XRCC5: variants seen among roughly 807,000 people sequenced by gnomAD.
XRCC5 encodes the protein X-ray repair cross complementing 5, also known as DNA repair protein Ku80.
In XRCC5, 12 loss-of-function variants were observed where a neutral mutation model predicts 95.7. The observed-to-expected ratio is 0.13, with a 90% confidence interval of 0.08 to 0.20. The LOEUF (loss-of-function observed/expected upper bound fraction) is 0.20, where lower values mean the gene tolerates loss of function less well. Among genes scored for constraint, XRCC5 ranks in the 10% least tolerant of loss-of-function variants. The probability of loss-of-function intolerance (pLI) is 1.00; values close to 1 mark genes in which losing one functional copy is unlikely to be tolerated. For missense variants in XRCC5, 595 were observed against 873.9 expected, an observed-to-expected ratio of 0.68 and a Z score of 4.02; for synonymous variants, 281 against 290.3, an observed-to-expected ratio of 0.97 and a Z score of 0.33.
chr2:216,198,116 G>A (rs577542585), intron 19 of XRCC5, among the ~76,000 whole-genome samples: 2 of 152,230 alleles, frequency 1.3e-5, no homozygotes, highest in Non-Finnish European at 2.9e-5. Flanking sequence ...GAAAGGTAAA[G>A]TGGGGTTACA....
chr2:216,111,901 G>A (rs571336075), intron 1 of XRCC5, among the ~76,000 whole-genome samples: 1 of 152,274 alleles, frequency 6.6e-6, no homozygotes, highest in East Asian at 1.9e-4. Flanking sequence ...CTAGATCCCA[G>A]GTCTCCCGAT....
In XRCC5 at chr2:216,119,172, T is replaced by G. The variant is rs747675014; in HGVS notation, c.491+7T>G. On this transcript the variant is annotated splice_region_variant and intron_variant, in intron 5 of 20. Transcript: ENST00000392132. Reference sequence around the variant, plus strand: ...ACATCTCCCTGCAATTCTTGTAAGATCCTAAGAATAATGCATGTAGACAAA... The same window carrying G: ...ACATCTCCCTGCAATTCTTGTAAGAGCCTAAGAATAATGCATGTAGACAAA... 3.1e-6 allele frequency: 5 copies of G among 1,613,882 alleles called. No individual in the cohort carries two copies. The highest frequency in any genetic ancestry group is 2.2e-5 in the South Asian group (2 of 91,070).
chr2:216,120,311 A>G (rs1475200961), intron 5 of XRCC5, among the ~76,000 whole-genome samples: 1 of 152,220 alleles, frequency 6.6e-6, no homozygotes, highest in Non-Finnish European at 1.5e-5. Flanking sequence ...CATTTCAGTG[A>G]ATGTCATTCG....
chr2:216,137,047 A>G, intron 10 of XRCC5, 41 bp from the exon 11 acceptor site: 1 of 1,589,446 alleles, frequency 6.3e-7, no homozygotes, highest in Non-Finnish European at 8.6e-7. Flanking sequence ...GAAAACTCTC[A>G]CATGTTGAAT....
At chr2:216,202,902 C>T (rs912570477) in intron 19 of XRCC5, among the ~76,000 whole-genome samples, 2 of 152,230 alleles carry the variant, frequency 1.3e-5, no homozygotes, top group Non-Finnish European at 2.9e-5. Flanking sequence ...ACTAGAAGAA[C>T]AGGCAGAGCT....
rs1365041259 is a variant in XRCC5, at chr2:216,137,217, A to G, written c.1243A>G (p.Asn415Asp). 9.3e-6 allele frequency: 15 copies of G among 1,612,912 alleles called. No individual in the cohort carries two copies. The highest frequency in any genetic ancestry group is 1.3e-5 in the Non-Finnish European group (15 of 1,179,380). ...VGVAFPHIKH[N>D]YECLVYVQLP... Reference sequence around the variant, plus strand: ...CGTGGCTTTTCCTCATATCAAGCATAACTATGAGGTAAAACCCAAAGTCTT... The same window carrying G: ...CGTGGCTTTTCCTCATATCAAGCATGACTATGAGGTAAAACCCAAAGTCTT... Residue 415 changes from asparagine (N) to aspartate (D), a missense_variant, in exon 11 of 21, where the codon AAC becomes GAC. This residue lies in a region of XRCC5 where 309 missense variants were observed against 382.9 expected (regional missense o/e 0.81). Transcript: ENST00000392132.
intron 13 of XRCC5, among the ~76,000 whole-genome samples, chr2:216,145,389 T>G (rs1353336648): frequency 6.6e-6 from 1 of 152,220 alleles, no homozygotes; most frequent in Admixed American, 6.5e-5. Flanking sequence ...TAAAACCACT[T>G]TTTAAATAAT....
intron 19 of XRCC5, among the ~76,000 whole-genome samples, chr2:216,195,570 G>A (rs138030409): frequency 1.3e-5 from 2 of 151,980 alleles, no homozygotes; most frequent in Non-Finnish European, 2.9e-5. Context: ...AGAAACACTA[G>A]TATTCTAGCA....
chr2:216,114,750 C>A (rs1304298193), intron 2 of XRCC5, among the ~76,000 whole-genome samples: 1 of 152,132 alleles, frequency 6.6e-6, no homozygotes, highest in Non-Finnish European at 1.5e-5. Flanking sequence ...AGCTATAATC[C>A]TTAAGGTTTC....
chr2:216,172,127 G>A (rs1011386288), intron 16 of XRCC5, among the ~76,000 whole-genome samples: 2 of 152,126 alleles, frequency 1.3e-5, no homozygotes, highest in Non-Finnish European at 2.9e-5. Context: ...ATGGGCTGGC[G>A]CCATCTTGGG....
chr2:216,205,452 G>T lies in XRCC5; in HGVS notation c.*250G>T. The stretch of plus-strand genomic sequence containing the variant: ...TTCTGGTTGGTGTATTATTTTTTCT[G>T]TGGTCTTACTGATCTTTGTATATTA... On this transcript the variant is annotated 3_prime_UTR_variant, in exon 21 of 21. Transcript: ENST00000392132. 2 of 528,844 alleles carry T rather than the reference G, an allele frequency of 3.8e-6. No individual in the cohort carries two copies. Among genetic ancestry groups the T allele is most frequent in the African/African-American group, 3.8e-5 (2 of 52,198 alleles). 32.8% of individuals were successfully genotyped at this position (528,844 alleles called of 1,614,324 possible).
rs568464247 is a variant in XRCC5 at position 216,185,325 on chromosome 2, A to G, written c.1835-4900A>G. Reference sequence around the variant, plus strand: ...ACTGATACACACACCGCCTCTACCCACAATGGCCAATTTATATCCGATAGT... The same window carrying G: ...ACTGATACACACACCGCCTCTACCCGCAATGGCCAATTTATATCCGATAGT... On this transcript the variant is annotated intron_variant, in intron 16 of 20. Coordinates refer to ENST00000392132, the MANE Select transcript of XRCC5 (RefSeq NM_021141.4). Among the ~76,000 whole-genome samples, 19 of 152,334 alleles carry G rather than the reference A, an allele frequency of 1.2e-4. 1 individual carries two copies. In the South Asian group the frequency reaches 2.5e-3, roughly 20 times the overall value.
At chr2:216,132,921 G>A (rs1389161410) in intron 10 of XRCC5, among the ~76,000 whole-genome samples, 1 of 152,154 alleles carries the variant, frequency 6.6e-6, no homozygotes, top group Non-Finnish European at 1.5e-5. Context: ...AACTAACTTT[G>A]TTGGAGATAC....
chr2:216,140,237 A>G (rs1377736446), intron 12 of XRCC5, among the ~76,000 whole-genome samples: 1 of 152,256 alleles, frequency 6.6e-6, no homozygotes, highest in African/African-American at 2.4e-5. Context: ...ATTTTGTTGT[A>G]GCTGTACAAA....
chr2:216,168,131 T>TA (rs1689089234), intron 16 of XRCC5, among the ~76,000 whole-genome samples: 1 of 152,190 alleles, frequency 6.6e-6, no homozygotes, highest in South Asian at 2.1e-4. Context: ...AAGGGTGTGT[T>TA]ATCTGACATC....
chr2:216,161,918 C>T (rs1404467251), intron 15 of XRCC5, 61 bp from the exon 16 acceptor site: 1 of 1,420,106 alleles, frequency 7.0e-7, no homozygotes, highest in East Asian at 2.3e-5. Flanking sequence ...TCTTGTATTG[C>T]CTGGGGTGCT....
intron 16 of XRCC5, among the ~76,000 whole-genome samples, chr2:216,177,295 A>C (rs2106037725): frequency 6.6e-6 from 1 of 152,316 alleles, no homozygotes; most frequent in East Asian, 1.9e-4. Flanking sequence ...ATTCACCTTG[A>C]GACCTTGTGT....
intron 3 of XRCC5, 77 bp from the exon 4 acceptor site, chr2:216,117,669 G>C: frequency 3.4e-6 from 5 of 1,468,768 alleles, no homozygotes; most frequent in Non-Finnish European, 1.9e-6. Flanking sequence ...TTTCCAGCAC[G>C]GTGGACTTCA....
chr2:216,115,068 C>T (rs1223134070), intron 2 of XRCC5, among the ~76,000 whole-genome samples: 1 of 152,188 alleles, frequency 6.6e-6, no homozygotes, highest in East Asian at 1.9e-4. Flanking sequence ...TCACGTGGCC[C>T]TCTTGGTTCT....
Sources: gnomAD v4.1 joint callset for allele counts (sites outside exome capture counted in the v4.1 genomes callset) on GRCh38, gnomAD v4.1.1 for gene constraint, gnomAD v4.1.1 regional missense constraint, MANE v1.5 for transcripts, NCBI Gene and HGNC (gene_info 2026-07-23, HGNC 2026-07-21) for gene names.